ADA: variants seen among roughly 807,000 people sequenced by gnomAD.
ADA encodes adenosine aminohydrolase.
A neutral mutation model predicts 49.0 loss-of-function variants in ADA; 45 were observed. That is an observed-to-expected ratio of 0.92 (90% CI 0.72 to 1.18). The LOEUF is 1.18. Among genes scored for constraint, ADA ranks in the 50% most tolerant of loss-of-function variants. The pLI is 0.00. For missense variants in ADA, 445 were observed against 472.5 expected (o/e 0.94, Z 0.54); for synonymous variants, 173 against 184.2 (o/e 0.94, Z 0.49).
intron 2 of ADA, among the ~76,000 whole-genome samples, chr20:44,629,610 A>T (rs1249463691): frequency 6.6e-6 from 1 of 152,108 alleles, no homozygotes; most frequent in Admixed American, 6.5e-5. Context: ...GCAGCATCAC[A>T]ATTCCCAGGG....
At position 44,622,816 on chromosome 20, in the gene ADA, C is replaced by T. The variant is rs1399319687; in HGVS notation, c.780+13G>A. ...GCCGGGGATGGTTCCTCCCCACTCC[C>T]TGGCCCGCTTACCTCGAAGTGCATG... On this transcript the variant is annotated intron_variant, in intron 8 of 11. Coordinates refer to ENST00000372874, the MANE Select transcript of ADA (RefSeq NM_000022.4). 6.2e-7 allele frequency: 1 copy of T among 1,614,236 alleles called. No individual in the cohort carries two copies. Among genetic ancestry groups the T allele is most frequent in the East Asian group, 2.2e-5 (1 of 44,884 alleles).
intron 2 of ADA, among the ~76,000 whole-genome samples, chr20:44,629,417 AGTGTGTGT>A (rs71825229): frequency 1.3e-5 from 2 of 150,280 alleles, no homozygotes; most frequent in East Asian, 2.0e-4. Context: ...AACAGGTTGA[AGTGTGTGT>A]GTGTGTGTGT....
intron 5 of ADA, 88 bp from the exon 6 acceptor site, chr20:44,624,417 C>T: frequency 6.4e-7 from 1 of 1,570,014 alleles, no homozygotes; most frequent in South Asian, 1.1e-5. Context: ...CCCAAACCCC[C>T]CATGGGAGGC....
chr20:44,643,759 G>A (rs1249157480), intron 1 of ADA, among the ~76,000 whole-genome samples: 1 of 152,168 alleles, frequency 6.6e-6, no homozygotes, highest in African/African-American at 2.4e-5. Flanking sequence ...CTGACTCACA[G>A]CCAGCCCAGC....
rs6031694 is a variant in ADA at position 44,648,020 on chromosome 20, T to A, written c.33+3555A>T. Among the ~76,000 whole-genome samples, 225 of 152,186 alleles carry A rather than the reference T, an allele frequency of 1.5e-3. 1 individual carries two copies. The highest frequency in any genetic ancestry group is 5.3e-3 in the African/African-American group (221 of 41,440). On this transcript the variant is annotated intron_variant, in intron 1 of 11. Transcript: ENST00000372874. Reference sequence around the variant, plus strand: ...AAAATCTTGCCACTGCACTCCAGCTTGGGCGACAGAGTGAGATTCTGGCAA... The same window carrying A: ...AAAATCTTGCCACTGCACTCCAGCTAGGGCGACAGAGTGAGATTCTGGCAA...
Position 44,622,586 on chromosome 20 carries a change from A to C in ADA, c.845+2T>G. ...GAACAGGCCCAGGGGAACAGAGCTC[A>C]CCGAATGACTGCATGCTCCGTGTCC... On this transcript the variant is annotated splice_donor_variant, in intron 9 of 11. Transcript: ENST00000372874. LOFTEE classifies it high-confidence loss of function. 1 of 1,614,218 alleles carries C rather than the reference A, an allele frequency of 6.2e-7. No individual in the cohort carries two copies. Among genetic ancestry groups the C allele is most frequent in the Non-Finnish European group, 8.5e-7 (1 of 1,180,040 alleles).
chr20:44,629,681 C>G (rs920629490), intron 2 of ADA, among the ~76,000 whole-genome samples: 5 of 152,174 alleles, frequency 3.3e-5, no homozygotes, highest in Non-Finnish European at 1.5e-5. Flanking sequence ...CTTGCCCAGC[C>G]CAGCGCACTG....
At chr20:44,636,676 G>A (rs1249092161) in intron 1 of ADA, among the ~76,000 whole-genome samples, 1 of 152,188 alleles carries the variant, frequency 6.6e-6, no homozygotes, top group Admixed American at 6.5e-5. Context: ...TCCAAAGCTT[G>A]TGCTCCAGGT....
rs1437613842 is a variant in ADA, at chr20:44,626,521, C to T, written c.297G>A (p.Glu99=). The T allele has an allele frequency of 6.2e-7, 1 of 1,614,082 alleles. No individual in the cohort carries two copies. The highest frequency in any genetic ancestry group is 1.3e-5 in the African/African-American group (1 of 74,932). The change falls in exon 4 of 12, where the codon GAG becomes GAA. Residue 99 remains glutamate (E), a synonymous_variant. Coordinates refer to ENST00000372874, the MANE Select transcript of ADA (RefSeq NM_000022.4). ...CCAGCAGGTGCGGACTGTACCGCAC[C>T]TCCACATACACCACGCCCTCTTTGG... The part of the protein sequence containing the change: ...MKAKEGVVYV[E]VRYSPHLLAN...
chr20:44,629,105 T>C lies in ADA; in HGVS notation c.160A>G (p.Lys54Glu). The change falls in exon 3 of 12, where the codon AAG becomes GAG. Residue 54 changes from lysine to glutamate, a missense_variant. By Grantham distance (56) the Lys-to-Glu change is moderately conservative. Transcript: ENST00000372874. ...EGLLNVIGMD[K>E]PLTLPDFLAK... ...AGGAAGTCTGGAAGGGTGAGCGGCT[T>C]GTCCATGCCAATGACGTTCAGCAGC... The C allele has an allele frequency of 1.2e-6, 2 of 1,614,218 alleles. No individual in the cohort carries two copies. The highest frequency in any genetic ancestry group is 1.7e-6 in the Non-Finnish European group (2 of 1,180,038).
At chr20:44,627,974 C>T (rs1461581250) in intron 3 of ADA, among the ~76,000 whole-genome samples, 3 of 152,216 alleles carry the variant, frequency 2.0e-5, no homozygotes, top group Non-Finnish European at 2.9e-5. Context: ...AAAACATTTT[C>T]GTTGTTATTA....
chr20:44,623,713 CTCTT>C (rs112701488), intron 6 of ADA, among the ~76,000 whole-genome samples: 8 of 150,616 alleles, frequency 5.3e-5, no homozygotes, highest in Non-Finnish European at 1.2e-4. Flanking sequence ...CTTCCTTCCT[CTCTT>C]TCTTTCTCTT....
chr20:44,619,764 G>A lies in ADA; in HGVS notation c.*70C>T. On this transcript the variant is annotated 3_prime_UTR_variant, in exon 12 of 12. Transcript: ENST00000372874. ...CATGGTCTTCTTGGAAGGAATAAAT[G>A]TAAAAATGTTGCTCAGCCCCACAGA... 1 of 1,587,550 alleles carries A rather than the reference G, an allele frequency of 6.3e-7. No individual in the cohort carries two copies. The highest frequency in any genetic ancestry group is 8.6e-7 in the Non-Finnish European group (1 of 1,156,402).
Position 44,619,673 on chromosome 20 carries a change from G to C in ADA, c.*161C>G. The C allele has an allele frequency of 1.1e-6, 1 of 915,774 alleles. No individual in the cohort carries two copies. Among genetic ancestry groups the C allele is most frequent in the Non-Finnish European group, 1.7e-6 (1 of 573,366 alleles). The allele number at this position is 915,774 out of a possible 1,614,324, so 56.7% of individuals were successfully genotyped here. On this transcript the variant is annotated 3_prime_UTR_variant, in exon 12 of 12. Coordinates refer to ENST00000372874, the MANE Select transcript of ADA (RefSeq NM_000022.4). ...ATCAGAGAAGTGACGCGGCCATGCC[G>C]AGGTATACGTGTGTGCAGAAATGGA...
rs534125267 is a variant in ADA at position 44,651,667 on chromosome 20, C to A, written c.-60G>T. The A allele has an allele frequency of 1.9e-4, 270 of 1,456,186 alleles. 1 individual carries two copies. Among genetic ancestry groups the A allele is most frequent in the Non-Finnish European group, 3.4e-5 (38 of 1,109,554 alleles). The allele number at this position is 1,456,186 out of a possible 1,614,324, so 90.2% of individuals were successfully genotyped here. A position where few individuals can be genotyped will look rare whatever the true frequency, so the allele number is the denominator to read the frequency against. On this transcript the variant is annotated 5_prime_UTR_variant, in exon 1 of 12. Transcript: ENST00000372874. ...CCGCCGCTCGGTGGGTCTCTGCCGGCTCGGTGGCCGCTCGGCTTTCCCTGG... is the reference window on the plus strand; with the variant it reads ...CCGCCGCTCGGTGGGTCTCTGCCGGATCGGTGGCCGCTCGGCTTTCCCTGG...
At chr20:44,624,565 C>T (rs564860310) in intron 5 of ADA, among the ~76,000 whole-genome samples, 12 of 152,372 alleles carry the variant, frequency 7.9e-5, no homozygotes, top group East Asian at 3.9e-4. Flanking sequence ...CACAGGGTCA[C>T]GGCCAGGCTT....
At chr20:44,649,399 G>A (rs555093893) in intron 1 of ADA, among the ~76,000 whole-genome samples, 12 of 151,984 alleles carry the variant, frequency 7.9e-5, no homozygotes, top group South Asian at 4.2e-4. Flanking sequence ...GATTTGTCAC[G>A]CCTCAAACAC....
At chr20:44,645,128 A>G (rs2065577261) in intron 1 of ADA, among the ~76,000 whole-genome samples, 1 of 152,060 alleles carries the variant, frequency 6.6e-6, no homozygotes. Flanking sequence ...CACTCTTGAA[A>G]TCCCAGCACT....
chr20:44,646,896 TG>T (rs1384300455), intron 1 of ADA, among the ~76,000 whole-genome samples: 1 of 152,048 alleles, frequency 6.6e-6, no homozygotes, highest in Non-Finnish European at 1.5e-5. Context: ...CTAGCTCTGC[TG>T]CTTGCCAGCT....
Sources: allele counts gnomAD v4.1 joint callset (sites outside exome capture counted in the v4.1 genomes callset), GRCh38; gene constraint gnomAD v4.1.1; transcripts MANE v1.5; gene names NCBI Gene and HGNC (gene_info 2026-07-23, HGNC 2026-07-21).